The following KLHL28 variants were observed in gnomAD, a reference collection of about 807,000 sequenced individuals.
KLHL28 encodes the protein kelch like family member 28.
KLHL28 carries 22 observed loss-of-function variants against 48.3 expected under a neutral mutation model. The observed-to-expected ratio is 0.46, with a 90% CI of 0.33 to 0.65. The LOEUF (loss-of-function observed/expected upper bound fraction) is 0.65, where lower values mean the gene tolerates loss of function less well. Ranked by LOEUF, KLHL28 falls within the 30% of genes least tolerant of loss-of-function variation. The probability of loss-of-function intolerance (pLI) is 0.03; values close to 1 mark genes in which losing one functional copy is unlikely to be tolerated. For synonymous variants in KLHL28, 243 were observed against 242.4 expected (o/e 1.00, Z -0.02); for missense variants, 527 against 704.3 (o/e 0.75, Z 2.85).
At chr14:44,949,679 A>G (rs892751521) in intron 1 of KLHL28, among the ~76,000 whole-genome samples, 1 of 152,182 alleles carries the variant, frequency 6.6e-6, no homozygotes. Context: ...TGAAAGACTT[A>G]TATCTAACAA....
In KLHL28 at chr14:44,936,305, T is replaced by C. The variant is rs376701707; in HGVS notation, c.900-1747A>G. Reference sequence around the variant, plus strand: ...AAACCAAAATGTGTTTGCATGCTGATGGTAATGATACATATAGTACAGAGG... The same window carrying C: ...AAACCAAAATGTGTTTGCATGCTGACGGTAATGATACATATAGTACAGAGG... On this transcript the variant is annotated intron_variant, in intron 2 of 4. Coordinates refer to ENST00000396128, the MANE Select transcript of KLHL28 (RefSeq NM_017658.5). Among the ~76,000 whole-genome samples, 14 of 152,248 alleles carry C rather than the reference T, an allele frequency of 9.2e-5. No individual in the cohort carries two copies. The East Asian group carries it at 1.4e-3, about 15-fold the overall frequency.
intron 4 of KLHL28, among the ~76,000 whole-genome samples, chr14:44,929,632 T>C (rs1334271980): frequency 1.3e-5 from 2 of 152,082 alleles, no homozygotes; most frequent in African/African-American, 2.4e-5. Context: ...GGAATATATA[T>C]CTCCTGTGGG....
At chr14:44,954,020 G>T (rs1232251768) in intron 1 of KLHL28, among the ~76,000 whole-genome samples, 5 of 152,084 alleles carry the variant, frequency 3.3e-5, no homozygotes, top group African/African-American at 1.2e-4. Flanking sequence ...TTAAAGAAAT[G>T]AACAGATGTT....
intron 3 of KLHL28, 125 bp from the exon 4 acceptor site, chr14:44,931,666 CTGCCACAAA>C: frequency 2.9e-6 from 2 of 688,128 alleles, no homozygotes; most frequent in East Asian, 5.4e-5. Flanking sequence ...CAAGAGTAGT[CTGCCACAAA>C]TGCTTAGGTT....
intron 2 of KLHL28, among the ~76,000 whole-genome samples, chr14:44,941,162 A>G (rs1884056698): frequency 6.6e-6 from 1 of 152,158 alleles, no homozygotes. Context: ...CTTCAAGAAC[A>G]AAATAAAACC....
chr14:44,956,945 G>C (rs746549785), intron 1 of KLHL28, among the ~76,000 whole-genome samples: 3 of 152,140 alleles, frequency 2.0e-5, no homozygotes, highest in Non-Finnish European at 4.4e-5. Flanking sequence ...AGCCTCCCAA[G>C]TAGCTAGAAC....
chr14:44,941,285 C>T (rs553548168), intron 2 of KLHL28, among the ~76,000 whole-genome samples: 10 of 152,180 alleles, frequency 6.6e-5, no homozygotes, highest in African/African-American at 2.4e-4. Context: ...ACTTTGTATT[C>T]ACTTCTAGGC....
chr14:44,929,131 G>C lies in KLHL28; in HGVS notation c.1613C>G (p.Ser538Cys). Reference sequence around the variant, plus strand: ...ATATTTCTGCACTGTATTCAGATAGGAAGACCCTGAGTGACCACCGACGAC... The same window carrying C: ...ATATTTCTGCACTGTATTCAGATAGCAAGACCCTGAGTGACCACCGACGAC... ...LYVVGGHSGS[S>C]YLNTVQKYDP... is the part of the protein sequence containing the mutation. The change falls in exon 5 of 5, where the codon TCC becomes TGC. Residue 538 changes from serine (S) to cysteine (C), a missense_variant. By Grantham distance (112) the Ser-to-Cys change is moderately radical. Coordinates refer to ENST00000396128, the MANE Select transcript of KLHL28 (RefSeq NM_017658.5). 2 of 1,613,376 alleles carry C rather than the reference G, an allele frequency of 1.2e-6. No homozygotes were observed. The highest frequency in any genetic ancestry group is 8.5e-7 in the Non-Finnish European group (1 of 1,179,698).
At chr14:44,944,245 G>A (rs1884226825) in intron 2 of KLHL28, among the ~76,000 whole-genome samples, 1 of 152,142 alleles carries the variant, frequency 6.6e-6, no homozygotes, top group East Asian at 1.9e-4. Flanking sequence ...ATTAAGGGTT[G>A]GCAAGCTATC....
At chr14:44,929,277 GT>G in intron 4 of KLHL28, 86 bp from the exon 5 acceptor site, 1 of 1,157,924 alleles carries the variant, frequency 8.6e-7, no homozygotes, top group Non-Finnish European at 1.2e-6. Context: ...GTATTTTAAT[GT>G]TTTATTAAAA....
intron 1 of KLHL28, chr14:44,959,196 C>T (rs1256181349): frequency 2.6e-5 from 4 of 152,008 alleles, no homozygotes; most frequent in South Asian, 2.1e-4. Context: ...TCTCCAAGCT[C>T]TAAGCAAATG....
intron 1 of KLHL28, among the ~76,000 whole-genome samples, chr14:44,958,002 T>C (rs1231425432): frequency 3.3e-5 from 5 of 151,106 alleles, no homozygotes; most frequent in Middle Eastern, 6.9e-3. Flanking sequence ...GGAACAATCA[T>C]TGCCTTCCAG....
Position 44,924,870 on chromosome 14 carries a change from A to G in KLHL28, c.*4158T>C, listed in dbSNP as rs1203999042. ...TGGATAACAATTTTTCTCTCTGCAG[A>G]GATGTAAACTGGATTTTTATTTGAC... On this transcript the variant is annotated 3_prime_UTR_variant, in exon 5 of 5. Coordinates refer to ENST00000396128, the MANE Select transcript of KLHL28 (RefSeq NM_017658.5). 2.6e-5 allele frequency: 4 copies of G among 152,622 alleles called. No homozygotes were observed. Among genetic ancestry groups the G allele is most frequent in the Non-Finnish European group, 5.9e-5 (4 of 67,998 alleles). The allele number at this position is 152,622 out of a possible 1,614,324, so 9.5% of individuals were successfully genotyped here.
chr14:44,937,132 T>G (rs914497841), intron 2 of KLHL28, among the ~76,000 whole-genome samples: 1 of 151,988 alleles, frequency 6.6e-6, no homozygotes, highest in Non-Finnish European at 1.5e-5. Flanking sequence ...GAATTGTTTT[T>G]TTTGTTTGTT....
chr14:44,924,646 C>T lies in KLHL28; in HGVS notation c.*4382G>A, dbSNP rs1197271898. On this transcript the variant is annotated 3_prime_UTR_variant, in exon 5 of 5. Coordinates refer to ENST00000396128, the MANE Select transcript of KLHL28 (RefSeq NM_017658.5). ...TTCAGAATCCTGTTAAAATCAAAAC[C>T]GTTGCTGGTTTATAATACACAGCAC... The T allele has an allele frequency of 1.3e-5, 2 of 152,526 alleles. No individual in the cohort carries two copies. The highest frequency in any genetic ancestry group is 4.8e-5 in the African/African-American group (2 of 41,448). The allele number at this position is 152,526 out of a possible 1,614,324, so 9.4% of individuals were successfully genotyped here.
At chr14:44,956,818 G>A (rs1884812247) in intron 1 of KLHL28, among the ~76,000 whole-genome samples, 2 of 152,056 alleles carry the variant, frequency 1.3e-5, no homozygotes, top group Admixed American at 6.6e-5. Context: ...GTGGTATTGT[G>A]GTTGTGTTTT....
At chr14:44,940,457 T>G (rs1350488382) in intron 2 of KLHL28, among the ~76,000 whole-genome samples, 1 of 152,212 alleles carries the variant, frequency 6.6e-6, no homozygotes. Flanking sequence ...GCACAACTAT[T>G]CAAAAAATGC....
intron 2 of KLHL28, among the ~76,000 whole-genome samples, chr14:44,936,688 C>T (rs1335672862): frequency 6.6e-6 from 1 of 152,146 alleles, no homozygotes; most frequent in Non-Finnish European, 1.5e-5. Context: ...CAGTTACATT[C>T]TGCTGCTCAG....
intron 1 of KLHL28, chr14:44,960,808 G>T (rs982757200): frequency 1.6e-6 from 1 of 644,078 alleles, no homozygotes; most frequent in Non-Finnish European, 2.5e-6. Context: ...CATCAGCTGG[G>T]AGCATTATTT....
Sources: allele counts gnomAD v4.1 joint callset (sites outside exome capture counted in the v4.1 genomes callset), GRCh38; gene constraint gnomAD v4.1.1; transcripts MANE v1.5; gene names NCBI Gene and HGNC (gene_info 2026-07-23, HGNC 2026-07-21).